SLC14A2: variants seen among roughly 807,000 people sequenced by gnomAD.
SLC14A2 encodes the protein urea transporter 2.
SLC14A2 carries 91 observed loss-of-function variants against 104.6 expected under a neutral mutation model. The observed-to-expected ratio is 0.87, with a 90% CI of 0.73 to 1.04. The LOEUF (loss-of-function observed/expected upper bound fraction) is 1.04. SLC14A2 is among the 50% of genes least tolerant of loss of function. The pLI, the probability that SLC14A2 is intolerant of heterozygous loss-of-function variation, is 0.00. For synonymous variants in SLC14A2, 476 were observed against 466.4 expected (o/e 1.02, Z -0.27); for missense variants, 1,189 against 1,156.0 (o/e 1.03, Z -0.41).
intron 2 of SLC14A2, among the ~76,000 whole-genome samples, chr18:45,510,766 AG>A (rs1035232121): frequency 6.6e-6 from 1 of 151,828 alleles, no homozygotes; most frequent in African/African-American, 2.4e-5. Context: ...ACAGTTCCCT[AG>A]CTTGTTCTTG....
At chr18:45,267,176 G>T (rs892596253) in intron 1 of SLC14A2, among the ~76,000 whole-genome samples, 3 of 152,108 alleles carry the variant, frequency 2.0e-5, no homozygotes, top group Non-Finnish European at 2.9e-5. Context: ...GGCCTGTCCT[G>T]TAGAGTCACG....
At chr18:45,596,335 T>C (rs2044718266) in intron 2 of SLC14A2, among the ~76,000 whole-genome samples, 1 of 152,240 alleles carries the variant, frequency 6.6e-6, no homozygotes, top group Non-Finnish European at 1.5e-5. Context: ...AATGGAGGCA[T>C]GCGCAGCTAG....
chr18:45,388,493 G>A (rs1230372366), intron 1 of SLC14A2, among the ~76,000 whole-genome samples: 3 of 152,130 alleles, frequency 2.0e-5, no homozygotes, highest in East Asian at 3.9e-4. Flanking sequence ...TGGTTGGATA[G>A]CATCTTCCAT....
upstream of SLC14A2, among the ~76,000 whole-genome samples, chr18:45,208,777 A>C (rs181870118): frequency 1.4e-3 from 208 of 152,214 alleles, 3 homozygotes; most frequent in East Asian, 0.03. Flanking sequence ...GGGAAGACAA[A>C]TCTAGTAGGA....
intron 1 of SLC14A2, among the ~76,000 whole-genome samples, chr18:45,326,323 A>G (rs182248593): frequency 1.1e-4 from 16 of 152,286 alleles, no homozygotes; most frequent in Admixed American, 3.3e-4. Flanking sequence ...ATCCTCATAA[A>G]TGATTCCCTT....
At position 45,483,002 on chromosome 18, in the gene SLC14A2, T is replaced by C. The variant is rs2087526069; in HGVS notation, c.-124-231T>C. Among the ~76,000 whole-genome samples the C allele has an allele frequency of 2.0e-5, 3 of 152,212 alleles. No individual in the cohort carries two copies. In the South Asian group the frequency reaches 6.2e-4, roughly 32 times the overall value. ...CCGATAGAAAATATATTTGCATGTA[T>C]ACATAAATATTCATGAAACACTCTT... On this transcript the variant is annotated intron_variant, in intron 1 of 20. Coordinates refer to the SLC14A2 transcript ENST00000586448.
the SLC14A2 span, among the ~76,000 whole-genome samples, chr18:45,175,532 T>A: frequency 6.6e-6 from 1 of 152,130 alleles, no homozygotes; most frequent in East Asian, 1.9e-4. Flanking sequence ...GGTCTCTTCA[T>A]ACTGTTGAAC....
chr18:45,296,521 C>T (rs1016818139), intron 1 of SLC14A2, among the ~76,000 whole-genome samples: 1 of 152,218 alleles, frequency 6.6e-6, no homozygotes, highest in Non-Finnish European at 1.5e-5. Flanking sequence ...TTAGGATTAG[C>T]TAAGCCAATC....
At chr18:45,606,250 C>T (rs992554701) in intron 2 of SLC14A2, among the ~76,000 whole-genome samples, 5 of 152,124 alleles carry the variant, frequency 3.3e-5, no homozygotes, top group Non-Finnish European at 5.9e-5. Flanking sequence ...CTCCCCTGCC[C>T]CAATCTCATG....
At chr18:45,669,950 A>G (rs573430570) in intron 16 of SLC14A2, among the ~76,000 whole-genome samples, 9 of 152,256 alleles carry the variant, frequency 5.9e-5, no homozygotes, top group Admixed American at 2.0e-4. Flanking sequence ...CGTTGTTCCA[A>G]CCTCCAGAGT....
At chr18:45,402,862 T>C (rs1188626690) in intron 1 of SLC14A2, among the ~76,000 whole-genome samples, 1 of 152,218 alleles carries the variant, frequency 6.6e-6, no homozygotes, top group Non-Finnish European at 1.5e-5. Flanking sequence ...CAGGTATGAA[T>C]CATTTCAGAG....
chr18:45,519,068 G>A (rs1280249901), intron 2 of SLC14A2, among the ~76,000 whole-genome samples: 1 of 152,176 alleles, frequency 6.6e-6, no homozygotes, highest in Non-Finnish European at 1.5e-5. Flanking sequence ...GTGTGCTAGA[G>A]TATACCCACA....
At chr18:45,550,798 C>CT (rs2044045724) in intron 2 of SLC14A2, among the ~76,000 whole-genome samples, 1 of 152,140 alleles carries the variant, frequency 6.6e-6, no homozygotes, top group Non-Finnish European at 1.5e-5. Context: ...TAGAAGGTTT[C>CT]CTTCTGGGAC....
At chr18:45,283,981 T>C (rs1184873117) in intron 1 of SLC14A2, among the ~76,000 whole-genome samples, 1 of 152,246 alleles carries the variant, frequency 6.6e-6, no homozygotes, top group Non-Finnish European at 1.5e-5. Flanking sequence ...AGCTCTCATT[T>C]AACCTGGTAA....
At chr18:45,579,586 A>T (rs2144356406) in intron 2 of SLC14A2, among the ~76,000 whole-genome samples, 1 of 152,350 alleles carries the variant, frequency 6.6e-6, no homozygotes, top group African/African-American at 2.4e-5. Flanking sequence ...TTTTAGGTAT[A>T]TGTTAATGTC....
chr18:45,298,092 A>C lies in SLC14A2; in HGVS notation c.-125+84901A>C, dbSNP rs117832247. Among the ~76,000 whole-genome samples, 503 of 152,350 alleles carry C rather than the reference A, an allele frequency of 3.3e-3. 11 individuals carry two copies. In the East Asian group the frequency reaches 0.063, roughly 19 times the overall value. ...CAGAGCAATGAAAACCTATAATCAT[A>C]ATATAATATCTTCTGAATATTTATT... On this transcript the variant is annotated intron_variant, in intron 1 of 20. Coordinates refer to the SLC14A2 transcript ENST00000586448.
intron 1 of SLC14A2, among the ~76,000 whole-genome samples, chr18:45,477,035 G>A (rs2144686153): frequency 6.6e-6 from 1 of 152,316 alleles, no homozygotes; most frequent in Admixed American, 6.5e-5. Flanking sequence ...CTGGCGGGGA[G>A]TTGTGATCCT....
At chr18:45,321,072 A>T (rs2144238736) in intron 1 of SLC14A2, among the ~76,000 whole-genome samples, 1 of 152,336 alleles carries the variant, frequency 6.6e-6, no homozygotes, top group East Asian at 1.9e-4. Flanking sequence ...TCTTGTGTTT[A>T]CACAGGAGAA....
At chr18:45,610,284 C>G (rs2044951178) in intron 2 of SLC14A2, among the ~76,000 whole-genome samples, 1 of 152,172 alleles carries the variant, frequency 6.6e-6, no homozygotes, top group African/African-American at 2.4e-5. Context: ...AACCCTCATT[C>G]ACCTGGAGTA....
Sources: gnomAD v4.1 joint callset for allele counts (sites outside exome capture counted in the v4.1 genomes callset) on GRCh38, gnomAD v4.1.1 for gene constraint, MANE v1.5 for transcripts, NCBI Gene and HGNC (gene_info 2026-07-23, HGNC 2026-07-21) for gene names.